DOCK10: variants seen among roughly 807,000 people sequenced by gnomAD.
DOCK10 encodes the protein dedicator of cytokinesis protein 10.
A neutral mutation model predicts 280.1 loss-of-function variants in DOCK10; 145 were observed. The ratio of observed to expected loss-of-function variants is 0.52; its 90% CI spans 0.45 to 0.59. The LOEUF is 0.59. DOCK10 is among the 20% of genes least tolerant of loss of function. The pLI is 0.00. For synonymous variants in DOCK10, 915 were observed against 942.2 expected (o/e 0.97, Z 0.53); for missense variants, 2,368 against 2,651.7 (o/e 0.89, Z 2.35).
rs1553622525 is a variant in DOCK10 at position 224,957,285 on chromosome 2, G to GCT, written c.124-25618_124-25617insAG. ...ATCTAGTATTTAGTTTTTACTTTCCGCCCCCCCCCGGCTTTGTTTTTCGGA... is the reference window on the plus strand; with the variant it reads ...ATCTAGTATTTAGTTTTTACTTTCCGCTCCCCCCCCCGGCTTTGTTTTTCGGA... On this transcript the variant is annotated intron_variant, in intron 1 of 55. Coordinates refer to ENST00000258390, the MANE Select transcript of DOCK10 (RefSeq NM_014689.3). Among the ~76,000 whole-genome samples, 4 of 118,678 alleles carry GCT rather than the reference G, an allele frequency of 3.4e-5. No homozygotes were observed. In the South Asian group the frequency reaches 8.0e-4, roughly 24 times the overall value. The allele number at this position is 118,678 out of a possible 152,430, so 77.9% of individuals were successfully genotyped here.
At chr2:224,767,119 G>A (rs1275899552) in intron 55 of DOCK10, among the ~76,000 whole-genome samples, 1 of 152,148 alleles carries the variant, frequency 6.6e-6, no homozygotes, top group Non-Finnish European at 1.5e-5. Context: ...CCTGAATGTA[G>A]GCTGGGATCA....
intron 18 of DOCK10, among the ~76,000 whole-genome samples, chr2:224,851,004 T>C (rs1167274870): frequency 6.6e-6 from 1 of 152,124 alleles, no homozygotes; most frequent in Admixed American, 6.5e-5. Flanking sequence ...AGAGTTAAGG[T>C]CTTGTGCAAC....
At chr2:224,872,978 C>T (rs746888523) in intron 11 of DOCK10, among the ~76,000 whole-genome samples, 51 of 152,256 alleles carry the variant, frequency 3.3e-4, no homozygotes, top group Admixed American at 9.8e-4. Context: ...CGTTTATGCT[C>T]ATAAAAAGTT....
intron 2 of DOCK10, among the ~76,000 whole-genome samples, chr2:224,921,162 C>T (rs1187536226): frequency 8.0e-6 from 1 of 124,422 alleles, no homozygotes. Context: ...AATAGCCGGG[C>T]ATGGTGGCGG....
At position 224,931,529 on chromosome 2, in the gene DOCK10, C is replaced by T. The variant is rs1179577737; in HGVS notation, c.243+20G>A. ...GTAGGGCCCTCCTGAATCTAAATGG[C>T]TTGAGAAGAGAAGACTTACTGAAAA... On this transcript the variant is annotated intron_variant, in intron 2 of 55. Transcript: ENST00000258390. The T allele has an allele frequency of 4.4e-6, 7 of 1,591,162 alleles. No individual in the cohort carries two copies. The highest frequency in any genetic ancestry group is 6.0e-6 in the Non-Finnish European group (7 of 1,167,760).
At chr2:224,832,202 T>C (rs183217297) in intron 26 of DOCK10, among the ~76,000 whole-genome samples, 53 of 152,368 alleles carry the variant, frequency 3.5e-4, no homozygotes, top group Admixed American at 1.1e-3. Flanking sequence ...TTGCTACGAA[T>C]ACTTATACAA....
At chr2:224,802,131 C>A in intron 39 of DOCK10, 91 bp from the exon 40 acceptor site, 1 of 1,349,086 alleles carries the variant, frequency 7.4e-7, no homozygotes, top group Non-Finnish European at 9.9e-7. Flanking sequence ...TAGATTGAGT[C>A]AAATATTAAA....
intron 2 of DOCK10, among the ~76,000 whole-genome samples, chr2:224,924,213 C>A (rs924875737): frequency 6.6e-6 from 1 of 152,156 alleles, no homozygotes; most frequent in Non-Finnish European, 1.5e-5. Context: ...TATAACTGAT[C>A]TGTCATAAAA....
chr2:224,864,449 G>A, intron 13 of DOCK10, 104 bp downstream of exon 13: 2 of 1,102,816 alleles, frequency 1.8e-6, no homozygotes. Context: ...GACAGAGGTT[G>A]CAGTGAGCTG....
At chr2:224,877,503 C>CCTATTCT (rs1698711824) in intron 7 of DOCK10, among the ~76,000 whole-genome samples, 2 of 99,964 alleles carry the variant, frequency 2.0e-5, no homozygotes, top group South Asian at 3.3e-4. Flanking sequence ...GTTCCTATTC[C>CCTATTCT]AAGTTGACAT....
chr2:224,941,423 T>G (rs908724872), intron 1 of DOCK10, among the ~76,000 whole-genome samples: 2 of 152,206 alleles, frequency 1.3e-5, no homozygotes, highest in Non-Finnish European at 2.9e-5. Context: ...AGCTGTGATT[T>G]GGCATACTAT....
At chr2:224,876,515 A>G (rs1042775338) in intron 7 of DOCK10, among the ~76,000 whole-genome samples, 1 of 152,112 alleles carries the variant, frequency 6.6e-6, no homozygotes, top group African/African-American at 2.4e-5. Context: ...ACTCCTTGTA[A>G]GAGTTTCTTT....
At chr2:224,791,449 G>T (rs1439457883) in intron 47 of DOCK10, among the ~76,000 whole-genome samples, 1 of 151,310 alleles carries the variant, frequency 6.6e-6, no homozygotes, top group Non-Finnish European at 1.5e-5. Flanking sequence ...AGTTTGCTTT[G>T]GTCATTTGGT....
intron 25 of DOCK10, among the ~76,000 whole-genome samples, chr2:224,834,751 G>A (rs1321432501): frequency 6.6e-6 from 1 of 152,164 alleles, no homozygotes; most frequent in African/African-American, 2.4e-5. Flanking sequence ...AGGCGTTCAT[G>A]AACATTGGCC....
At chr2:224,783,564 G>A (rs7597124) in intron 50 of DOCK10, among the ~76,000 whole-genome samples, 46,845 of 151,678 alleles carry the variant, frequency 0.31, 8,226 homozygotes, top group East Asian at 0.77. Flanking sequence ...GTGAGCCACC[G>A]CGCCCAGCCT....
rs74644534 is a variant in DOCK10 at position 224,963,709 on chromosome 2, A to T, written c.124-32041T>A. Among the ~76,000 whole-genome samples, 673 of 152,364 alleles carry T rather than the reference A, an allele frequency of 4.4e-3. 7 individuals carry two copies. The highest frequency in any genetic ancestry group is 0.014 in the African/African-American group (572 of 41,588). ...AGAGATTTATTTTAAAGGGGAAGTA[A>T]ACAGTTTTCAAGTAGTAATTTTATA... On this transcript the variant is annotated intron_variant, in intron 1 of 55. Transcript: ENST00000258390.
At chr2:224,898,802 C>T (rs1445489669) in intron 3 of DOCK10, among the ~76,000 whole-genome samples, 1 of 152,156 alleles carries the variant, frequency 6.6e-6, no homozygotes, top group African/African-American at 2.4e-5. Flanking sequence ...GTCTCGATCT[C>T]CTGACCTCGT....
chr2:224,976,200 C>T (rs1000174434), intron 1 of DOCK10, among the ~76,000 whole-genome samples: 1 of 148,948 alleles, frequency 6.7e-6, no homozygotes, highest in Non-Finnish European at 1.5e-5. Context: ...CACATGGACA[C>T]AGGGAGGGGA....
At chr2:224,891,801 G>C (rs1699673816) in intron 4 of DOCK10, among the ~76,000 whole-genome samples, 1 of 152,104 alleles carries the variant, frequency 6.6e-6, no homozygotes. Context: ...GTCAGATCTG[G>C]GGCTAGGGTT....
Sources: gnomAD v4.1 joint callset for allele counts (sites outside exome capture counted in the v4.1 genomes callset) on GRCh38, gnomAD v4.1.1 for gene constraint, MANE v1.5 for transcripts, NCBI Gene and HGNC (gene_info 2026-07-23, HGNC 2026-07-21) for gene names.